Variants in FERMT2 observed in about 807,000 individuals in gnomAD.
The protein encoded by FERMT2 is fermitin family homolog 2.
A neutral mutation model predicts 82.7 loss-of-function variants in FERMT2; 15 were observed. The ratio of observed to expected loss-of-function variants is 0.18; its 90% CI spans 0.12 to 0.28. The LOEUF is 0.28. Among genes scored for constraint, FERMT2 ranks in the 10% least tolerant of loss-of-function variants. The probability of loss-of-function intolerance (pLI) is 1.00; values close to 1 mark genes in which losing one functional copy is unlikely to be tolerated. For synonymous variants in FERMT2, 274 were observed against 271.5 expected, an observed-to-expected ratio of 1.01 and a Z score of -0.09; for missense variants, 645 against 809.4, an observed-to-expected ratio of 0.80 and a Z score of 2.46.
In FERMT2 at chr14:52,894,207, G is replaced by A. The variant is rs1887122494; in HGVS notation, c.392-780C>T. On this transcript the variant is annotated intron_variant, in intron 3 of 14. Coordinates refer to ENST00000341590, the MANE Select transcript of FERMT2 (RefSeq NM_006832.3). ...AGTTTCTGATCTATTTTCATTTGAG[G>A]AGTCTGATAACAAGGAAAATGGTTA... Among the ~76,000 whole-genome samples the A allele has an allele frequency of 2.6e-5, 4 of 152,150 alleles. No homozygotes were observed. In the South Asian group the frequency reaches 6.2e-4, roughly 24 times the overall value.
At chr14:52,886,524 T>C (rs1259901573) in intron 4 of FERMT2, among the ~76,000 whole-genome samples, 1 of 152,112 alleles carries the variant, frequency 6.6e-6, no homozygotes, top group Non-Finnish European at 1.5e-5. Context: ...AAAAATTAGA[T>C]ACCACCTAGG....
At chr14:52,950,862 C>A (rs1451804065) in intron 1 of FERMT2, 59 bp downstream of exon 1, 13 of 256,800 alleles carry the variant, frequency 5.1e-5, no homozygotes, top group Non-Finnish European at 7.3e-5. Context: ...CGCGGGCTGA[C>A]TCCCCGTTCC....
intron 7 of FERMT2, among the ~76,000 whole-genome samples, chr14:52,876,916 T>C (rs1885990544): frequency 6.6e-6 from 1 of 152,158 alleles, no homozygotes; most frequent in Non-Finnish European, 1.5e-5. Flanking sequence ...TATGTCAAAA[T>C]ACTCTCATTA....
At position 52,901,718 on chromosome 14, in the gene FERMT2, C is replaced by T. The variant is rs111791224; in HGVS notation, c.392-8291G>A. On this transcript the variant is annotated intron_variant, in intron 3 of 14. Coordinates refer to ENST00000341590, the MANE Select transcript of FERMT2 (RefSeq NM_006832.3). ...CAAGCCAGAGGGAATCTTAGTCTTACAATCACAAAGAACCAAATTCTACCA... is the reference window on the plus strand; with the variant it reads ...CAAGCCAGAGGGAATCTTAGTCTTATAATCACAAAGAACCAAATTCTACCA... 5.2e-3 allele frequency among the ~76,000 whole-genome samples: 797 copies of T among 152,264 alleles called. 8 individuals are homozygous for T. The highest frequency in any genetic ancestry group is 0.018 in the African/African-American group (741 of 41,548).
intron 3 of FERMT2, among the ~76,000 whole-genome samples, chr14:52,896,988 A>G (rs1887295012): frequency 8.2e-6 from 1 of 121,698 alleles, no homozygotes; most frequent in Non-Finnish European, 1.7e-5. Context: ...GACCATCTGC[A>G]AAACAAATAA....
At chr14:52,917,655 C>T (rs992373625) in intron 3 of FERMT2, among the ~76,000 whole-genome samples, 1 of 152,002 alleles carries the variant, frequency 6.6e-6, no homozygotes, top group Admixed American at 6.6e-5. Context: ...AAATTGTAGG[C>T]GGGGAGGGAA....
chr14:52,898,857 T>C (rs1887454722), intron 3 of FERMT2, among the ~76,000 whole-genome samples: 1 of 152,234 alleles, frequency 6.6e-6, no homozygotes, highest in Non-Finnish European at 1.5e-5. Flanking sequence ...TGAGATATGA[T>C]ATGCTTCTAA....
intron 2 of FERMT2, among the ~76,000 whole-genome samples, chr14:52,944,462 G>C (rs760191187): frequency 3.3e-5 from 5 of 152,332 alleles, no homozygotes; most frequent in Non-Finnish European, 7.3e-5. Context: ...GGAGCACTAA[G>C]CCAGGGTATA....
chr14:52,892,166 G>GTTTTTTTTTTT (rs10547747), intron 4 of FERMT2, among the ~76,000 whole-genome samples: 8 of 128,828 alleles, frequency 6.2e-5, no homozygotes, highest in African/African-American at 1.5e-4. Context: ...GCTGTTTTTT[G>GTTTTTTTTTTT]TTTTTTTTTT....
intron 4 of FERMT2, among the ~76,000 whole-genome samples, chr14:52,887,740 T>G (rs1018709603): frequency 6.6e-5 from 10 of 152,236 alleles, no homozygotes; most frequent in Middle Eastern, 3.4e-3. Context: ...GCTCTGCTCC[T>G]TATTACCTTT....
chr14:52,890,894 C>T (rs569733387), intron 4 of FERMT2, among the ~76,000 whole-genome samples: 3 of 152,238 alleles, frequency 2.0e-5, no homozygotes, highest in East Asian at 3.9e-4. Context: ...GTAAGCCACC[C>T]GCGCCTGGCC....
chr14:52,945,394 C>T (rs2139710025), intron 2 of FERMT2, among the ~76,000 whole-genome samples: 1 of 151,904 alleles, frequency 6.6e-6, no homozygotes, highest in Non-Finnish European at 1.5e-5. Context: ...ATTACAGGCG[C>T]CCGCTACCAT....
In FERMT2 at chr14:52,871,292, G is replaced by C. The variant is rs1431543771; in HGVS notation, c.1273+1507C>G. ...TTTAGTCTTTGCTCTTCTAAGGGAA[G>C]ATACAGTGAGAGGACTGTGGAACAG... On this transcript the variant is annotated intron_variant, in intron 10 of 14. Coordinates refer to ENST00000341590, the MANE Select transcript of FERMT2 (RefSeq NM_006832.3). Among the ~76,000 whole-genome samples the C allele has an allele frequency of 2.0e-5, 3 of 152,126 alleles. 1 individual carries two copies. The highest frequency in any genetic ancestry group is 2.0e-4 in the Admixed American group (3 of 15,288).
At chr14:52,898,388 C>CT (rs1887423689) in intron 3 of FERMT2, among the ~76,000 whole-genome samples, 1 of 152,134 alleles carries the variant, frequency 6.6e-6, no homozygotes, top group Admixed American at 6.6e-5. Flanking sequence ...AGTTAATCCA[C>CT]TTATCCTCAA....
intron 3 of FERMT2, among the ~76,000 whole-genome samples, chr14:52,895,794 T>G (rs1887223254): frequency 6.6e-6 from 1 of 152,018 alleles, no homozygotes; most frequent in Non-Finnish European, 1.5e-5. Flanking sequence ...TATACTACAA[T>G]AAAGTTAATT....
At position 52,939,382 on chromosome 14, in the gene FERMT2, A is replaced by AC. The variant is rs1165504237; in HGVS notation, c.157+11029_157+11030insG. ...AGTGAGACTACGGTCTCAAAAAAAA[A>AC]AAAAAAAACAAAGAACTATTTGGCT... is the stretch of plus-strand genomic sequence containing the variant. On this transcript the variant is annotated intron_variant, in intron 2 of 14. Transcript: ENST00000341590. Among the ~76,000 whole-genome samples the AC allele has an allele frequency of 2.0e-5, 3 of 151,514 alleles. No individual in the cohort carries two copies. The East Asian group carries it at 5.8e-4, about 29-fold the overall frequency.
chr14:52,914,103 CT>C (rs1462417822), intron 3 of FERMT2, among the ~76,000 whole-genome samples: 2 of 152,064 alleles, frequency 1.3e-5, no homozygotes, highest in Admixed American at 1.3e-4. Context: ...TGGCTGCTGC[CT>C]GTAATCCTAC....
intron 2 of FERMT2, among the ~76,000 whole-genome samples, chr14:52,945,347 T>G (rs1031648080): frequency 1.3e-5 from 2 of 151,666 alleles, no homozygotes; most frequent in Non-Finnish European, 2.9e-5. Context: ...GCCTCCCAGG[T>G]TCAAGCGATT....
intron 3 of FERMT2, among the ~76,000 whole-genome samples, chr14:52,918,206 A>G (rs1888729727): frequency 6.6e-6 from 1 of 152,200 alleles, no homozygotes; most frequent in African/African-American, 2.4e-5. Flanking sequence ...TTACAGCTTA[A>G]AAGAATGTAT....
Sources: gnomAD v4.1 joint callset for allele counts (sites outside exome capture counted in the v4.1 genomes callset) on GRCh38, gnomAD v4.1.1 for gene constraint, MANE v1.5 for transcripts, NCBI Gene and HGNC (gene_info 2026-07-23, HGNC 2026-07-21) for gene names.